Variants in DIPK1A observed in about 807,000 individuals in gnomAD.
DIPK1A encodes family with sequence similarity 69 member A.
In DIPK1A, 27 loss-of-function variants were observed where a neutral mutation model predicts 40.8. That is an observed-to-expected ratio of 0.66 (90% confidence interval 0.49 to 0.91). The LOEUF is 0.91. DIPK1A is among the 40% of genes least tolerant of loss of function. DIPK1A has a pLI of 0.00. For missense variants in DIPK1A, 412 were observed against 505.7 expected (o/e 0.81, Z 1.78); for synonymous variants, 166 against 171.3 (o/e 0.97, Z 0.24).
downstream of DIPK1A, among the ~76,000 whole-genome samples, chr1:92,839,415 T>C (rs1167664799): frequency 6.6e-6 from 1 of 152,124 alleles, no homozygotes; most frequent in African/African-American, 2.4e-5. Flanking sequence ...CAGGAAAACT[T>C]CTGACATCTT....
At chr1:92,837,250 C>T, downstream of DIPK1A, 1 of 751,118 alleles carries the variant, frequency 1.3e-6, no homozygotes, top group Non-Finnish European at 2.5e-6. Flanking sequence ...GTTTTTGTAG[C>T]ATGAATTTCT....
chr1:92,879,186 A>G (rs923795875), intron 1 of DIPK1A, among the ~76,000 whole-genome samples: 2 of 152,198 alleles, frequency 1.3e-5, no homozygotes, highest in Non-Finnish European at 1.5e-5. Flanking sequence ...TTGCAAAAAA[A>G]GAGAGAAATA....
intron 1 of DIPK1A, among the ~76,000 whole-genome samples, chr1:92,958,703 C>T (rs1441219759): frequency 6.6e-6 from 1 of 152,110 alleles, no homozygotes; most frequent in East Asian, 1.9e-4. Flanking sequence ...AACTAGTTTC[C>T]CTCATAAGAA....
At position 92,833,948 on chromosome 1, in the gene DIPK1A, A is replaced by G. The variant is rs558220259; in HGVS notation, c.475-914T>C. On this transcript the variant is annotated intron_variant, in intron 4 of 4. Coordinates refer to the DIPK1A transcript ENST00000615519. ...TAGTGAGAGTTTGTCTTCACAAAAA[A>G]TGTAAGAAAATTAGCTGGGCATGGC... is the stretch of plus-strand genomic sequence containing the variant. The G allele has an allele frequency of 3.6e-5, 14 of 392,644 alleles. 1 individual carries two copies. The highest frequency in any genetic ancestry group is 2.9e-4 in the African/African-American group (14 of 48,890). 24.3% of individuals were successfully genotyped at this position (392,644 alleles called of 1,614,324 possible).
intron 1 of DIPK1A, chr1:92,932,440 CA>C (rs547621367): frequency 0.031 from 4,501 of 144,674 alleles, 212 homozygotes; most frequent in African/African-American, 0.11. Context: ...GACTCTGTCT[CA>C]AAAAAAAAAA....
intron 1 of DIPK1A, among the ~76,000 whole-genome samples, chr1:92,891,852 G>C (rs192861083): frequency 6.6e-6 from 1 of 152,338 alleles, no homozygotes; most frequent in Non-Finnish European, 1.5e-5. Context: ...AGCACACCAG[G>C]AGATTATATC....
chr1:92,846,511 T>G, intron 4 of DIPK1A: 1 of 329,052 alleles, frequency 3.0e-6, no homozygotes, highest in Non-Finnish European at 6.2e-6. Context: ...TTTGAATTAA[T>G]TTTCATGTCA....
In DIPK1A at chr1:92,878,602, C is replaced by T. The variant is rs182031501; in HGVS notation, c.55-2172G>A. ...TTGGGAGGCCGAGGTGGGCGGATCA[C>T]GAGGTCAGGAGATCGAGACCATCCT... On this transcript the variant is annotated intron_variant, in intron 1 of 4. Transcript: ENST00000370310. Among the ~76,000 whole-genome samples the T allele has an allele frequency of 4.0e-3, 604 of 152,184 alleles. 4 individuals are homozygous for T. Among genetic ancestry groups the T allele is most frequent in the African/African-American group, 0.014 (573 of 41,510 alleles).
chr1:92,846,150 C>T (rs11164825), intron 4 of DIPK1A: 34,925 of 153,666 alleles, frequency 0.23, 4,326 homozygotes, highest in Middle Eastern at 0.27. Flanking sequence ...CCAGGCCCTG[C>T]GCCTTGTCTG....
intron 1 of DIPK1A, 112 bp downstream of exon 1, chr1:92,961,264 G>T (rs1652076140): frequency 4.6e-6 from 3 of 648,642 alleles, no homozygotes; most frequent in South Asian, 3.6e-5. Flanking sequence ...AGCGGGGTTC[G>T]GGCGGGCACA....
rs1435009501 is a variant in DIPK1A, at chr1:92,834,825, A to T, written c.475-1791T>A. 2 of 1,612,092 alleles carry T rather than the reference A, an allele frequency of 1.2e-6. No individual in the cohort carries two copies. Among genetic ancestry groups the T allele is most frequent in the Non-Finnish European group, 1.7e-6 (2 of 1,179,948 alleles). On this transcript the variant is annotated intron_variant, in intron 4 of 4. Coordinates refer to the DIPK1A transcript ENST00000615519. ...GGGGATATGATAGTCTGCGCAGCGT[A>T]TGCACACGAACTGCCAAAATATGGT... is the stretch of plus-strand genomic sequence containing the variant.
intron 1 of DIPK1A, among the ~76,000 whole-genome samples, chr1:92,886,130 C>T (rs767867431): frequency 1.5e-4 from 23 of 151,888 alleles, no homozygotes; most frequent in African/African-American, 4.4e-4. Flanking sequence ...TCCAGGAGTT[C>T]GAGACCAGCC....
chr1:92,855,539 T>A (rs569325641), intron 2 of DIPK1A, among the ~76,000 whole-genome samples: 130 of 143,890 alleles, frequency 9.0e-4, no homozygotes, highest in African/African-American at 2.5e-3. Context: ...TATCTAAAAA[T>A]TTTTTTTTTT....
intron 1 of DIPK1A, among the ~76,000 whole-genome samples, chr1:92,887,714 A>G (rs1648674207): frequency 1.3e-5 from 2 of 152,186 alleles, no homozygotes; most frequent in African/African-American, 4.8e-5. Context: ...TAACTAACTG[A>G]TACTGGAGGG....
rs186164668 is a variant in DIPK1A, at chr1:92,941,810, T to C, written c.54+19566A>G. On this transcript the variant is annotated intron_variant, in intron 1 of 4. Transcript: ENST00000370310. ...GATTCCCTTAACTATCCACACTCTA[T>C]ACTCGAAAAGTGCACTCAAATGTAC... Among the ~76,000 whole-genome samples the C allele has an allele frequency of 7.9e-5, 12 of 152,248 alleles. No homozygotes were observed. The East Asian group carries it at 2.3e-3, about 29-fold the overall frequency.
rs1451962402 is a variant in DIPK1A at position 92,895,089 on chromosome 1, G to T, written c.55-18659C>A. Among the ~76,000 whole-genome samples the T allele has an allele frequency of 1.2e-4, 18 of 152,042 alleles. 1 individual carries two copies. Among genetic ancestry groups the T allele is most frequent in the Admixed American group, 8.5e-4 (13 of 15,262 alleles). Reference sequence around the variant, plus strand: ...CTACCAGAGGTACAAGGAGGAGCTGGTACCATTCCTTCTGAAACTATTCCA... The same window carrying T: ...CTACCAGAGGTACAAGGAGGAGCTGTTACCATTCCTTCTGAAACTATTCCA... On this transcript the variant is annotated intron_variant, in intron 1 of 4. Coordinates refer to ENST00000370310, the MANE Select transcript of DIPK1A (RefSeq NM_001006605.5).
chr1:92,888,459 A>G (rs1030285872), intron 1 of DIPK1A, among the ~76,000 whole-genome samples: 2 of 152,092 alleles, frequency 1.3e-5, no homozygotes, highest in Non-Finnish European at 2.9e-5. Context: ...TTTATTCCAT[A>G]TCTTGGCTAT....
intron 1 of DIPK1A, among the ~76,000 whole-genome samples, chr1:92,949,296 C>T (rs1308442612): frequency 1.3e-5 from 2 of 149,664 alleles, no homozygotes; most frequent in Admixed American, 6.6e-5. Flanking sequence ...TTTTTTGAGA[C>T]AGAGTTTCGC....
At chr1:92,955,132 A>G (rs920358212) in intron 1 of DIPK1A, among the ~76,000 whole-genome samples, 2 of 152,236 alleles carry the variant, frequency 1.3e-5, no homozygotes, top group Non-Finnish European at 2.9e-5. Context: ...GACATTTTAG[A>G]AAAAGGCAAA....
Sources: allele counts gnomAD v4.1 joint callset (sites outside exome capture counted in the v4.1 genomes callset), GRCh38; gene constraint gnomAD v4.1.1; transcripts MANE v1.5; gene names NCBI Gene and HGNC (gene_info 2026-07-23, HGNC 2026-07-21).